The following MYO5C variants were observed in gnomAD, a reference collection of about 807,000 sequenced individuals.
MYO5C encodes the protein myosin VC.
MYO5C carries 194 observed loss-of-function variants against 235.7 expected under a neutral mutation model. The observed-to-expected ratio is 0.82, with a 90% CI of 0.73 to 0.93. The LOEUF (loss-of-function observed/expected upper bound fraction) is 0.93. Ranked by LOEUF, MYO5C falls within the 40% of genes least tolerant of loss-of-function variation. The probability of loss-of-function intolerance (pLI) is 0.00; values close to 1 mark genes in which losing one functional copy is unlikely to be tolerated. For synonymous variants in MYO5C, 707 were observed against 754.8 expected (o/e 0.94, Z 1.04); for missense variants, 2,038 against 2,127.2 (o/e 0.96, Z 0.82).
intron 14 of MYO5C, 123 bp downstream of exon 14, chr15:52,248,577 C>A: frequency 1.5e-6 from 1 of 682,294 alleles, no homozygotes; most frequent in South Asian, 2.0e-5. Flanking sequence ...TTACCACTGT[C>A]CAGAGAGTTC....
chr15:52,258,734 T>C (rs1048954177), intron 10 of MYO5C, among the ~76,000 whole-genome samples: 11 of 152,238 alleles, frequency 7.2e-5, no homozygotes, highest in Non-Finnish European at 1.0e-4. Flanking sequence ...TATCATGAAC[T>C]CAAGGGTGGC....
intron 5 of MYO5C, 48 bp downstream of exon 5, chr15:52,275,514 C>T (rs979932386): frequency 9.3e-6 from 15 of 1,609,792 alleles, no homozygotes; most frequent in Non-Finnish European, 1.3e-5. Flanking sequence ...ACCAACCAAC[C>T]CCCATTTCCA....
At chr15:52,291,765 G>T (rs2037400180) in intron 1 of MYO5C, among the ~76,000 whole-genome samples, 1 of 20,156 alleles carries the variant, frequency 5.0e-5, no homozygotes, top group Admixed American at 6.4e-4. Flanking sequence ...TTGAGACAGG[G>T]TCTCGCTCTG....
In MYO5C at chr15:52,256,830, A is replaced by G. The variant is rs2036595943; in HGVS notation, c.1314-110T>C. Reference sequence around the variant, plus strand: ...CTTAAACGTTTGCTATGTCTTCTACAAGTTTTAAATACCCCTCAAAGCTTC... The same window carrying G: ...CTTAAACGTTTGCTATGTCTTCTACGAGTTTTAAATACCCCTCAAAGCTTC... On this transcript the variant is annotated intron_variant, in intron 10 of 40. Transcript: ENST00000261839. The G allele has an allele frequency of 3.8e-6, 3 of 781,532 alleles. No homozygotes were observed. In the East Asian group the frequency reaches 7.6e-5, roughly 20 times the overall value. 48.4% of individuals were successfully genotyped at this position (781,532 alleles called of 1,614,324 possible).
Position 52,245,467 on chromosome 15 carries a change from T to C in MYO5C, c.2067-2A>G, listed in dbSNP as rs1324388635. ...CTGTAGAACTCGATGTATGTCCACC[T>C]GGAAAATCAAAGGGGATCAAAGCCA... On this transcript the variant is annotated splice_acceptor_variant, in intron 17 of 40. Coordinates refer to ENST00000261839, the MANE Select transcript of MYO5C (RefSeq NM_018728.4). LOFTEE classifies it high-confidence loss of function. 6.2e-7 allele frequency: 1 copy of C among 1,608,392 alleles called. No individual in the cohort carries two copies. Among genetic ancestry groups the C allele is most frequent in the Non-Finnish European group, 8.5e-7 (1 of 1,174,982 alleles).
Position 52,223,626 on chromosome 15 carries a change from T to C in MYO5C, c.3545A>G (p.His1182Arg). 1 of 1,614,176 alleles carries C rather than the reference T, an allele frequency of 6.2e-7. No individual in the cohort carries two copies. The highest frequency in any genetic ancestry group is 2.2e-5 in the East Asian group (1 of 44,886). Residue 1182 changes from histidine to arginine, a missense_variant, in exon 29 of 41, where the codon CAC (histidine) becomes CGC (arginine). Coordinates refer to ENST00000261839, the MANE Select transcript of MYO5C (RefSeq NM_018728.4). ...KVVHLSQEIN[H>R]LQKLFREEND... ...TTCTTCTCTGAATAACTTCTGCAGG[T>C]GGTTGATTTCTTGACTGAGATGCAC...
At chr15:52,228,147 AT>A (rs770508125) in intron 25 of MYO5C, among the ~76,000 whole-genome samples, 192 of 145,522 alleles carry the variant, frequency 1.3e-3, no homozygotes, top group Middle Eastern at 3.6e-3. Context: ...ACAGGTAACA[AT>A]TTTTTTTTTT....
Position 52,233,004 on chromosome 15 carries a change from G to GAAGAAAATGATCCATTTGTGACAAGGTTT in MYO5C, c.2963-320_2963-319insAAACCTTGTCACAAATGGATCATTTTCTT, listed in dbSNP as rs1255961787. On this transcript the variant is annotated intron_variant, in intron 23 of 40. Coordinates refer to ENST00000261839, the MANE Select transcript of MYO5C (RefSeq NM_018728.4). The stretch of plus-strand genomic sequence containing the variant: ...ATTATTAAAAATAAATAGAGGCCGG[G>GAAGAAAATGATCCATTTGTGACAAGGTTT]CGCGGTGGCTCACGCCTGTAATCCC... 1.5e-3 allele frequency among the ~76,000 whole-genome samples: 20 copies of GAAGAAAATGATCCATTTGTGACAAGGTTT among 13,708 alleles called. 8 individuals carry two copies. The Non-Finnish European group carries it at 0.036, about 25-fold the overall frequency. 9.0% of individuals were successfully genotyped at this position (13,708 alleles called of 152,430 possible).
rs958047468 is a variant in MYO5C, at chr15:52,193,129, C to G, written c.*773G>C. 2 of 152,096 alleles carry G rather than the reference C, an allele frequency of 1.3e-5. No individual in the cohort carries two copies. Among genetic ancestry groups the G allele is most frequent in the Non-Finnish European group, 2.9e-5 (2 of 68,066 alleles). The allele number at this position is 152,096 out of a possible 1,614,324, so 9.4% of individuals were successfully genotyped here. On this transcript the variant is annotated 3_prime_UTR_variant, in exon 41 of 41. Transcript: ENST00000261839. Reference sequence around the variant, plus strand: ...AAGAGATCGAGGCCATCCTGGCCAACATGGTGAAACCTGTCTCCACTAAAA... The same window carrying G: ...AAGAGATCGAGGCCATCCTGGCCAAGATGGTGAAACCTGTCTCCACTAAAA...
intron 30 of MYO5C, among the ~76,000 whole-genome samples, chr15:52,220,664 C>CAA (rs34771845): frequency 0.16 from 22,182 of 142,504 alleles, 1,868 homozygotes; most frequent in South Asian, 0.22. Context: ...ACTAAAAATA[C>CAA]AAAAAAAAAA....
At chr15:52,247,223 C>T (rs1237828753) in intron 15 of MYO5C, among the ~76,000 whole-genome samples, 1 of 152,208 alleles carries the variant, frequency 6.6e-6, no homozygotes, top group Non-Finnish European at 1.5e-5. Flanking sequence ...TCCCAGACAG[C>T]AGAGAACTGA....
chr15:52,269,749 T>A lies in MYO5C; in HGVS notation c.940+4A>T. 6.3e-7 allele frequency: 1 copy of A among 1,599,420 alleles called. No individual in the cohort carries two copies. Among genetic ancestry groups the A allele is most frequent in the South Asian group, 1.1e-5 (1 of 90,508 alleles). ...ACATACTTGGATGGGATATTTTCCC[T>A]TACCCAGAAGCGTGAAGGTCTTTTG... On this transcript the variant is annotated splice_donor_region_variant and intron_variant, in intron 8 of 40. Transcript: ENST00000261839.
intron 27 of MYO5C, 24 bp downstream of exon 27, chr15:52,225,051 G>C (rs2035789939): frequency 6.2e-7 from 1 of 1,613,536 alleles, no homozygotes; most frequent in East Asian, 2.2e-5. Context: ...GTCTTAAAAT[G>C]TTTGATAATG....
intron 1 of MYO5C, among the ~76,000 whole-genome samples, chr15:52,289,981 G>A (rs2037353392): frequency 6.6e-6 from 1 of 152,124 alleles, no homozygotes; most frequent in Non-Finnish European, 1.5e-5. Context: ...CCCCATCCAA[G>A]AGCAAACAGC....
intron 4 of MYO5C, chr15:52,277,303 G>A: frequency 1.9e-6 from 1 of 513,962 alleles, no homozygotes; most frequent in Non-Finnish European, 3.9e-6. Flanking sequence ...TAGGGCTGAA[G>A]TGAGCACAGC....
In MYO5C at chr15:52,275,629, G is replaced by A. The variant is rs755860720; in HGVS notation, c.539C>T (p.Thr180Ile). 4 of 1,614,080 alleles carry A rather than the reference G, an allele frequency of 2.5e-6. No individual in the cohort carries two copies. The highest frequency in any genetic ancestry group is 3.3e-5 in the Admixed American group (2 of 60,004). Residue 180 changes from threonine to isoleucine, a missense_variant, in exon 5 of 41, where the codon ACC becomes ATC. By Grantham distance (89) the Thr-to-Ile change is moderately conservative. Coordinates refer to ENST00000261839, the MANE Select transcript of MYO5C (RefSeq NM_018728.4). ...SARYAMRYFA[T>I]VSKSGSNAHV... ...AGCGTTGCTGCCCGATTTGCTGACG[G>A]TGGCAAAGTACCTCATGGCATAGCG...
At chr15:52,231,631 G>C (rs949379372) in intron 24 of MYO5C, among the ~76,000 whole-genome samples, 2 of 152,238 alleles carry the variant, frequency 1.3e-5, no homozygotes, top group African/African-American at 4.8e-5. Flanking sequence ...CCTCTCTTTA[G>C]AATCCTGCTT....
chr15:52,281,379 T>C (rs1205813599), intron 2 of MYO5C, among the ~76,000 whole-genome samples: 4 of 152,240 alleles, frequency 2.6e-5, no homozygotes, highest in Admixed American at 2.0e-4. Flanking sequence ...GCCGGGAATG[T>C]AGCCACCTGA....
chr15:52,277,913 A>G (rs1391480476), intron 4 of MYO5C: 3 of 455,954 alleles, frequency 6.6e-6, no homozygotes, highest in Non-Finnish European at 8.8e-6. Flanking sequence ...CTGAGAGTCC[A>G]GCTCACAGAC....
Sources: allele counts gnomAD v4.1 joint callset (sites outside exome capture counted in the v4.1 genomes callset), GRCh38; gene constraint gnomAD v4.1.1; transcripts MANE v1.5; gene names NCBI Gene and HGNC (gene_info 2026-07-23, HGNC 2026-07-21).